SUPT3H: variants seen among roughly 807,000 people sequenced by gnomAD.
SUPT3H encodes SPT3 homolog, SAGA and STAGA complex component, also known as transcription initiation protein SPT3 homolog.
SUPT3H carries 44 observed loss-of-function variants against 44.3 expected under a neutral mutation model. The ratio of observed to expected loss-of-function variants is 0.99; its 90% CI spans 0.78 to 1.28. The LOEUF is 1.28. Ranked by LOEUF, SUPT3H falls within the 50% of genes most tolerant of loss-of-function variation. SUPT3H has a pLI of 0.00. For synonymous variants in SUPT3H, 124 were observed against 125.6 expected, an observed-to-expected ratio of 0.99 and a Z score of 0.09; for missense variants, 380 against 387.1, an observed-to-expected ratio of 0.98 and a Z score of 0.15.
chr6:45,291,990 G>C (rs1780383153), intron 2 of SUPT3H, among the ~76,000 whole-genome samples: 1 of 152,068 alleles, frequency 6.6e-6, no homozygotes, highest in Admixed American at 6.5e-5. Flanking sequence ...ACTGACATCA[G>C]GTTATCTAAA....
chr6:45,336,261 G>A (rs1383852758), intron 2 of SUPT3H, among the ~76,000 whole-genome samples: 1 of 151,392 alleles, frequency 6.6e-6, no homozygotes, highest in Non-Finnish European at 1.5e-5. Context: ...AATGAGTACT[G>A]TCACGAAAGC....
intron 2 of SUPT3H, among the ~76,000 whole-genome samples, chr6:45,335,755 C>T (rs988220095): frequency 3.3e-4 from 50 of 151,304 alleles, no homozygotes; most frequent in African/African-American, 1.2e-3. Context: ...TATGAGAAAA[C>T]TCCCATCAAG....
chr6:45,191,003 A>T (rs1300749957), intron 2 of SUPT3H, among the ~76,000 whole-genome samples: 1 of 152,116 alleles, frequency 6.6e-6, no homozygotes, highest in Non-Finnish European at 1.5e-5. Flanking sequence ...AAATAATTTG[A>T]TAGTGTCTTA....
intron 10 of SUPT3H, among the ~76,000 whole-genome samples, chr6:44,831,428 C>A (rs554925343): frequency 1.3e-5 from 2 of 152,264 alleles, no homozygotes; most frequent in Admixed American, 1.3e-4. Context: ...CAGAGAGCCA[C>A]AAATAACTTG....
chr6:44,997,588 C>A (rs1781434129), intron 6 of SUPT3H, among the ~76,000 whole-genome samples: 1 of 151,782 alleles, frequency 6.6e-6, no homozygotes, highest in Non-Finnish European at 1.5e-5. Context: ...TCAAGGATTA[C>A]CAAAATTAAT....
intron 6 of SUPT3H, among the ~76,000 whole-genome samples, chr6:44,965,986 AG>A (rs1411979673): frequency 6.6e-6 from 1 of 152,228 alleles, no homozygotes; most frequent in Non-Finnish European, 1.5e-5. Flanking sequence ...GACCGGCCTA[AG>A]ACCAGAAACT....
chr6:45,018,678 T>C (rs1784669172), intron 4 of SUPT3H, among the ~76,000 whole-genome samples: 1 of 152,144 alleles, frequency 6.6e-6, no homozygotes, highest in Non-Finnish European at 1.5e-5. Context: ...GAACTAGCCT[T>C]GCATACCATG....
chr6:45,258,871 T>C (rs1773859400), intron 2 of SUPT3H, among the ~76,000 whole-genome samples: 1 of 152,312 alleles, frequency 6.6e-6, no homozygotes, highest in South Asian at 2.1e-4. Flanking sequence ...AAGTATCCCT[T>C]CCAATAAAAT....
chr6:44,906,618 C>T (rs545055265), intron 10 of SUPT3H, among the ~76,000 whole-genome samples: 1 of 152,164 alleles, frequency 6.6e-6, no homozygotes, highest in African/African-American at 2.4e-5. Context: ...AAAAATTAGC[C>T]AGGCATGGTG....
intron 2 of SUPT3H, among the ~76,000 whole-genome samples, chr6:45,313,742 A>G (rs1784312635): frequency 6.6e-6 from 1 of 152,094 alleles, no homozygotes; most frequent in Admixed American, 6.5e-5. Flanking sequence ...AATCCTTTCA[A>G]CACTATTCCA....
At chr6:45,168,695 G>T (rs952026463) in intron 2 of SUPT3H, among the ~76,000 whole-genome samples, 1 of 152,042 alleles carries the variant, frequency 6.6e-6, no homozygotes, top group African/African-American at 2.4e-5. Flanking sequence ...GGTAAATCTG[G>T]GCCAGAGAAA....
At chr6:44,858,290 G>A (rs1774070850) in intron 10 of SUPT3H, among the ~76,000 whole-genome samples, 1 of 152,164 alleles carries the variant, frequency 6.6e-6, no homozygotes, top group Non-Finnish European at 1.5e-5. Flanking sequence ...TGCTGATAAT[G>A]ATGACAATGT....
At chr6:44,952,564 T>C (rs1774470772) in intron 9 of SUPT3H, among the ~76,000 whole-genome samples, 1 of 152,232 alleles carries the variant, frequency 6.6e-6, no homozygotes, top group Non-Finnish European at 1.5e-5. Flanking sequence ...GATGCGAACT[T>C]AACCTTCTTG....
intron 2 of SUPT3H, among the ~76,000 whole-genome samples, chr6:45,287,127 G>A (rs1173671843): frequency 6.6e-6 from 1 of 151,940 alleles, no homozygotes; most frequent in Non-Finnish European, 1.5e-5. Flanking sequence ...AGCATTAGGA[G>A]ATATACCTAA....
intron 5 of SUPT3H, among the ~76,000 whole-genome samples, chr6:45,010,768 C>G (rs555235690): frequency 4.6e-5 from 7 of 152,060 alleles, no homozygotes; most frequent in Non-Finnish European, 1.0e-4. Context: ...ATGCTTCCCA[C>G]AATTCTCATC....
At chr6:45,141,270 G>A (rs2153589880) in intron 2 of SUPT3H, among the ~76,000 whole-genome samples, 1 of 136,812 alleles carries the variant, frequency 7.3e-6, no homozygotes, top group East Asian at 2.4e-4. Flanking sequence ...AACCCGGGAG[G>A]CGAAGGTTGC....
At chr6:45,093,813 A>G (rs754423312) in intron 3 of SUPT3H, among the ~76,000 whole-genome samples, 5 of 152,160 alleles carry the variant, frequency 3.3e-5, no homozygotes, top group African/African-American at 7.2e-5. Flanking sequence ...AACAGACTGA[A>G]TGGCTTACTA....
At chr6:45,317,373 G>T (rs765637493) in intron 2 of SUPT3H, among the ~76,000 whole-genome samples, 3 of 150,990 alleles carry the variant, frequency 2.0e-5, no homozygotes, top group Non-Finnish European at 4.4e-5. Flanking sequence ...AACCACAAAT[G>T]ACCCCAAATA....
intron 3 of SUPT3H, among the ~76,000 whole-genome samples, chr6:45,025,703 G>A (rs1316481350): frequency 6.6e-6 from 1 of 151,736 alleles, no homozygotes; most frequent in Non-Finnish European, 1.5e-5. Context: ...CTAACATGGT[G>A]AAACACAGTC....
Sources: gnomAD v4.1 joint callset for allele counts (sites outside exome capture counted in the v4.1 genomes callset) on GRCh38, gnomAD v4.1.1 for gene constraint, MANE v1.5 for transcripts, NCBI Gene and HGNC (gene_info 2026-07-23, HGNC 2026-07-21) for gene names.